Variants in PCK2 observed in about 807,000 individuals in gnomAD.
The protein encoded by PCK2 is phosphoenolpyruvate carboxykinase [GTP], mitochondrial.
PCK2 carries 56 observed loss-of-function variants against 65.9 expected under a neutral mutation model. The observed-to-expected ratio is 0.85, with a 90% CI of 0.69 to 1.06. PCK2 has a LOEUF of 1.06. Among genes scored for constraint, PCK2 ranks in the 50% least tolerant of loss-of-function variants. The pLI is 0.00. For synonymous variants in PCK2, 305 were observed against 319.6 expected, an observed-to-expected ratio of 0.95 and a Z score of 0.49; for missense variants, 843 against 863.1, an observed-to-expected ratio of 0.98 and a Z score of 0.29.
chr14:24,102,671 TG>T, intron 7 of PCK2, 81 bp from the exon 8 acceptor site: 1 of 1,193,754 alleles, frequency 8.4e-7, no homozygotes, highest in Non-Finnish European at 1.2e-6. Flanking sequence ...AAAAGAACCC[TG>T]CAAGAATGTG....
chr14:24,094,353 C>G lies in PCK2; in HGVS notation c.-53C>G. The stretch of plus-strand genomic sequence containing the variant: ...GCTCCCTCCTTCCCCGCCTTCCATA[C>G]CTCCCCGGCTCCGCTCGGTTCCTGG... On this transcript the variant is annotated 5_prime_UTR_variant, in exon 1 of 10. Transcript: ENST00000216780. This position sits in a 1 kb window ranked among gnomAD's most constrained non-coding sequence, Gnocchi z 4.1. The G allele has an allele frequency of 2.0e-6, 3 of 1,504,940 alleles. No homozygotes were observed. Among genetic ancestry groups the G allele is most frequent in the Non-Finnish European group, 1.8e-6 (2 of 1,117,618 alleles). The allele number at this position is 1,504,940 out of a possible 1,614,324, so 93.2% of individuals were successfully genotyped here. A position where few individuals can be genotyped will look rare whatever the true frequency, so the allele number is the denominator to read the frequency against.
intron 1 of PCK2, chr14:24,095,298 A>G: frequency 4.4e-6 from 2 of 451,534 alleles, no homozygotes; most frequent in South Asian, 3.1e-5. Flanking sequence ...GGCTCCAGGG[A>G]GAGAGAGGCT....
At chr14:24,095,006 G>C in intron 1 of PCK2, 1 of 495,552 alleles carries the variant, frequency 2.0e-6, no homozygotes, top group South Asian at 1.6e-5. Flanking sequence ...AGCAAGGTGG[G>C]AGGAGGGCGC....
At chr14:24,100,622 A>G (rs2037125732) in intron 7 of PCK2, 1 of 1,028,996 alleles carries the variant, frequency 9.7e-7, no homozygotes, top group Non-Finnish European at 1.2e-6. Context: ...ATTCTTACAG[A>G]AGGTATTGGG....
In PCK2 at chr14:24,097,131, A is replaced by G. The variant is rs758001636; in HGVS notation, c.269A>G (p.Asn90Ser). 6.2e-7 allele frequency: 1 copy of G among 1,613,852 alleles called. No individual in the cohort carries two copies. The highest frequency in any genetic ancestry group is 1.6e-4 in the Middle Eastern group (1 of 6,062). ...QGLIRKLPKYNNCWLARTDPK... is the reference protein window; with the variant it reads ...QGLIRKLPKYSNCWLARTDPK... ...CTCATCCGAAAGCTCCCCAAGTACA[A>G]TAACTGGTAAGCCTTGGGCTCCACA... Residue 90 changes from asparagine (N) to serine (S), a missense_variant, in exon 2 of 10, where the codon AAT (asparagine) becomes AGT (serine). By Grantham distance (46) the Asn-to-Ser change is conservative. Transcript: ENST00000216780.
At chr14:24,100,330 T>A in intron 7 of PCK2, 117 bp downstream of exon 7, 1 of 1,504,952 alleles carries the variant, frequency 6.6e-7, no homozygotes, top group Non-Finnish European at 8.9e-7. Flanking sequence ...ACAGAAGTCA[T>A]GAACGTTTGC....
chr14:24,099,887 G>C lies in PCK2; in HGVS notation c.1016-108G>C. ...CCCGAGAGACAGCCTTTCCTCATCA[G>C]ATCTTGGGTCCATCTCAGGACAGGG... On this transcript the variant is annotated intron_variant, in intron 6 of 9. Transcript: ENST00000216780. 5 of 1,598,738 alleles carry C rather than the reference G, an allele frequency of 3.1e-6. No homozygotes were observed. The East Asian group carries it at 1.1e-4, about 36-fold the overall frequency.
In PCK2 at chr14:24,100,147, G is replaced by A. The variant is rs377452848; in HGVS notation, c.1168G>A (p.Gly390Ser). 9 of 1,613,878 alleles carry A rather than the reference G, an allele frequency of 5.6e-6. No individual in the cohort carries two copies. The highest frequency in any genetic ancestry group is 5.3e-5 in the African/African-American group (4 of 74,912). The change falls in exon 7 of 10, where the codon GGC becomes AGC. Residue 390 changes from glycine (G) to serine (S), a missense_variant. Transcript: ENST00000216780. ...CAGTGATGGTGGCGTGTACTGGGAG[G>A]GCATTGACCAGCCTCTTCCACCTGG... ...ETSDGGVYWE[G>S]IDQPLPPGVT...
chr14:24,095,751 A>G (rs990231772), intron 1 of PCK2, among the ~76,000 whole-genome samples: 5 of 152,160 alleles, frequency 3.3e-5, no homozygotes, highest in African/African-American at 1.2e-4. Context: ...GGCCAATCAG[A>G]GCAGACGTTG....
intron 2 of PCK2, among the ~76,000 whole-genome samples, 191 bp downstream of exon 2, chr14:24,097,328 A>T (rs1371051707): frequency 6.6e-6 from 1 of 151,348 alleles, no homozygotes. Flanking sequence ...AGGCGGGTGG[A>T]TCACCAGGTG....
chr14:24,102,978 C>T, intron 8 of PCK2, 88 bp downstream of exon 8: 1 of 1,390,484 alleles, frequency 7.2e-7, no homozygotes, highest in Non-Finnish European at 1.0e-6. Flanking sequence ...AGAGCCTCAG[C>T]CTGGATCTCA....
intron 7 of PCK2, among the ~76,000 whole-genome samples, chr14:24,102,138 G>T (rs2037185828): frequency 6.6e-6 from 1 of 152,138 alleles, no homozygotes; most frequent in Non-Finnish European, 1.5e-5. Flanking sequence ...TGAGGTAGGA[G>T]AATTGTTTGA....
intron 4 of PCK2, 71 bp from the exon 5 acceptor site, chr14:24,098,978 T>G: frequency 8.2e-7 from 1 of 1,223,172 alleles, no homozygotes; most frequent in Non-Finnish European, 1.2e-6. Flanking sequence ...TGCCAATCCC[T>G]GATCCCTCTG....
In PCK2 at chr14:24,099,735, GATCAT is replaced by G; in HGVS notation, c.1015+17_1015+21del. The G allele has an allele frequency of 6.2e-7, 1 of 1,609,834 alleles. No individual in the cohort carries two copies. Among genetic ancestry groups the G allele is most frequent in the Non-Finnish European group, 8.5e-7 (1 of 1,176,060 alleles). ...TGACAGTGAAGGTGAGGGACTCTCA[GATCAT>G]ACTCTTGGTTCTGGCTCTTGTCAGA... On this transcript the variant is annotated intron_variant, in intron 6 of 9. Coordinates refer to ENST00000216780, the MANE Select transcript of PCK2 (RefSeq NM_004563.4).
At chr14:24,101,481 C>T (rs188665824) in intron 7 of PCK2, among the ~76,000 whole-genome samples, 69 of 152,328 alleles carry the variant, frequency 4.5e-4, no homozygotes, top group African/African-American at 1.6e-3. Context: ...TCCCAACCCC[C>T]CTCCAGGACA....
chr14:24,094,714 C>T lies in PCK2; in HGVS notation c.29+280C>T. 1 of 1,503,472 alleles carries T rather than the reference C, an allele frequency of 6.7e-7. No individual in the cohort carries two copies. Among genetic ancestry groups the T allele is most frequent in the Non-Finnish European group, 8.9e-7 (1 of 1,127,928 alleles). The allele number at this position is 1,503,472 out of a possible 1,614,324, so 93.1% of individuals were successfully genotyped here. A position where few individuals can be genotyped will look rare whatever the true frequency, so the allele number is the denominator to read the frequency against. On this transcript the variant is annotated intron_variant, in intron 1 of 9. Transcript: ENST00000216780. The surrounding 1 kb of genome is among the most constrained non-coding windows in gnomAD (Gnocchi z 4.1). ...CCACTCTCAGAACTTCCTCTCTCTC[C>T]TCGCTCCTCTCTGCTGAGCCAGGTC...
At chr14:24,095,702 T>C (rs1290478112) in intron 1 of PCK2, among the ~76,000 whole-genome samples, 3 of 152,190 alleles carry the variant, frequency 2.0e-5, no homozygotes, top group Non-Finnish European at 4.4e-5. Context: ...ATCCCCTTCA[T>C]GGTCTTTGCT....
intron 7 of PCK2, among the ~76,000 whole-genome samples, chr14:24,102,292 C>T (rs1297471429): frequency 1.3e-5 from 2 of 152,164 alleles, no homozygotes; most frequent in East Asian, 3.8e-4. Flanking sequence ...CTGTCTTCCC[C>T]GGTTTGCTGA....
Position 24,103,501 on chromosome 14 carries a change from C to A in PCK2, c.1469-9C>A. 6.5e-7 allele frequency: 1 copy of A among 1,532,310 alleles called. No individual in the cohort carries two copies. The highest frequency in any genetic ancestry group is 8.8e-7 in the Non-Finnish European group (1 of 1,139,878). The allele number at this position is 1,532,310 out of a possible 1,614,324, so 94.9% of individuals were successfully genotyped here. A position where few individuals can be genotyped will look rare whatever the true frequency, so the allele number is the denominator to read the frequency against. ...GGAAGATTCCTTACCCATCTTGCTT[C>A]CCCCCCAGGGAAGATCATCATGCAC... is the stretch of plus-strand genomic sequence containing the variant. On this transcript the variant is annotated splice_polypyrimidine_tract_variant and intron_variant, in intron 9 of 9. Coordinates refer to ENST00000216780, the MANE Select transcript of PCK2 (RefSeq NM_004563.4).
Sources: allele counts gnomAD v4.1 joint callset (sites outside exome capture counted in the v4.1 genomes callset), GRCh38; gene constraint gnomAD v4.1.1; non-coding constraint Gnocchi (gnomAD v3.1); transcripts MANE v1.5; gene names NCBI Gene and HGNC (gene_info 2026-07-23, HGNC 2026-07-21).